PTPN4: variants seen among roughly 807,000 people sequenced by gnomAD.
PTPN4 encodes tyrosine-protein phosphatase non-receptor type 4.
A neutral mutation model predicts 135.5 loss-of-function variants in PTPN4; 49 were observed. The ratio of observed to expected loss-of-function variants is 0.36; its 90% CI spans 0.29 to 0.46. The LOEUF (loss-of-function observed/expected upper bound fraction) is 0.46. Ranked by LOEUF, PTPN4 falls within the 20% of genes least tolerant of loss-of-function variation. The pLI is 1.00. For synonymous variants in PTPN4, 333 were observed against 369.9 expected (o/e 0.90, Z 1.14); for missense variants, 860 against 1,101.0 (o/e 0.78, Z 3.10).
intron 11 of PTPN4, 33 bp from the exon 12 acceptor site, chr2:119,920,036 C>T (rs1678714390): frequency 6.4e-7 from 1 of 1,569,168 alleles, no homozygotes. Context: ...TGACATTTTC[C>T]TGGTATTCTC....
At chr2:119,886,539 G>A (rs1036699503) in intron 9 of PTPN4, among the ~76,000 whole-genome samples, 1 of 152,110 alleles carries the variant, frequency 6.6e-6, no homozygotes, top group Admixed American at 6.6e-5. Flanking sequence ...AAAGTTCTTG[G>A]AGTACAGCTA....
At chr2:119,899,838 T>C (rs1476351274) in intron 9 of PTPN4, among the ~76,000 whole-genome samples, 1 of 152,168 alleles carries the variant, frequency 6.6e-6, no homozygotes, top group Admixed American at 6.5e-5. Flanking sequence ...TTACCTTACC[T>C]AACAGATTAA....
In PTPN4 at chr2:119,809,863, C is replaced by T. The variant is rs372066860; in HGVS notation, c.10C>T (p.Arg4Cys). Residue 4 changes from arginine to cysteine, a missense_variant, in exon 2 of 27, where the codon CGT becomes TGT. Coordinates refer to ENST00000263708, the MANE Select transcript of PTPN4 (RefSeq NM_002830.4). Reference protein sequence around the residue: MTSRFRLPAGRTYN... With the variant: MTSCFRLPAGRTYN... Reference sequence around the variant, plus strand: ...CTTTGTGTGGACAGTAATGACCTCACGTTTCCGATTGCCTGCTGGCAGAAC... The same window carrying T: ...CTTTGTGTGGACAGTAATGACCTCATGTTTCCGATTGCCTGCTGGCAGAAC... 9.3e-6 allele frequency: 15 copies of T among 1,609,402 alleles called. No homozygotes were observed. Among genetic ancestry groups the T allele is most frequent in the Admixed American group, 8.5e-5 (5 of 58,884 alleles).
chr2:119,935,299 G>A (rs1412138333), intron 15 of PTPN4, among the ~76,000 whole-genome samples: 1 of 152,188 alleles, frequency 6.6e-6, no homozygotes, highest in Admixed American at 6.5e-5. Context: ...CCATAAGTAT[G>A]AGTAAAAAGT....
chr2:119,967,952 G>C lies in PTPN4; in HGVS notation c.2674G>C (p.Ala892Pro). 6.2e-7 allele frequency: 1 copy of C among 1,602,796 alleles called. No individual in the cohort carries two copies. Among genetic ancestry groups the C allele is most frequent in the African/African-American group, 1.3e-5 (1 of 74,828 alleles). Residue 892 changes from alanine to proline, a missense_variant, in exon 26 of 27, where the codon GCC (alanine) becomes CCC (proline). Physicochemically the swap from Ala to Pro is conservative, Grantham distance 27. This residue lies in a region of PTPN4 where 176 missense variants were observed against 294.1 expected (regional missense o/e 0.60). Transcript: ENST00000263708. ...TGTAAGAACAATGAGAGATCAGCGA[G>C]CCATGATGATCCAAACACCTGTGAG... The part of the protein sequence containing the change: ...DIVRTMRDQR[A>P]MMIQTPSQYR...
chr2:119,835,787 C>T (rs892232375), intron 2 of PTPN4, among the ~76,000 whole-genome samples: 8 of 151,918 alleles, frequency 5.3e-5, no homozygotes, highest in East Asian at 1.9e-4. Context: ...TGGAAGGAAC[C>T]GGCCGGGCAT....
rs10166787 is a variant in PTPN4, at chr2:119,782,275, C to T, written c.-18+21891C>T. Among the ~76,000 whole-genome samples, 408 of 151,910 alleles carry T rather than the reference C, an allele frequency of 2.7e-3. 1 individual carries two copies. Among genetic ancestry groups the T allele is most frequent in the African/African-American group, 9.4e-3 (390 of 41,406 alleles). On this transcript the variant is annotated intron_variant, in intron 1 of 26. Transcript: ENST00000263708. ...CTACTAAAAATACAAAAAAATTAGCCGGGTGTGGAGACAGGCGCCTGTAAT... is the reference window on the plus strand; with the variant it reads ...CTACTAAAAATACAAAAAAATTAGCTGGGTGTGGAGACAGGCGCCTGTAAT...
chr2:119,826,116 C>G (rs1476758094), intron 2 of PTPN4, among the ~76,000 whole-genome samples: 1 of 152,092 alleles, frequency 6.6e-6, no homozygotes, highest in Non-Finnish European at 1.5e-5. Flanking sequence ...AGTTCTGATG[C>G]ACATATTCTC....
At chr2:119,794,234 T>C (rs913143432) in intron 1 of PTPN4, among the ~76,000 whole-genome samples, 9 of 152,188 alleles carry the variant, frequency 5.9e-5, no homozygotes, top group Non-Finnish European at 4.4e-5. Flanking sequence ...GTTTTTGTTA[T>C]AGGATCCGTG....
intron 2 of PTPN4, among the ~76,000 whole-genome samples, chr2:119,859,081 A>G (rs867758684): frequency 6.6e-6 from 1 of 151,574 alleles, no homozygotes. Flanking sequence ...TATAATTTGC[A>G]TTTGGTTCTT....
At chr2:119,874,630 C>G (rs1273455622) in intron 3 of PTPN4, among the ~76,000 whole-genome samples, 2 of 152,090 alleles carry the variant, frequency 1.3e-5, no homozygotes, top group Non-Finnish European at 2.9e-5. Context: ...TACATTGAGA[C>G]TGACTGCGAA....
intron 13 of PTPN4, among the ~76,000 whole-genome samples, chr2:119,930,605 T>C (rs1678890268): frequency 6.6e-6 from 1 of 152,186 alleles, no homozygotes. Context: ...TGCTTCCTAC[T>C]GTACACATAA....
intron 1 of PTPN4, among the ~76,000 whole-genome samples, chr2:119,776,548 G>C (rs1690840719): frequency 1.3e-5 from 2 of 152,080 alleles, no homozygotes; most frequent in Admixed American, 1.3e-4. Context: ...AAAGTTACGT[G>C]GAGTGTGCCT....
At chr2:119,807,748 C>G (rs1295870098) in intron 1 of PTPN4, among the ~76,000 whole-genome samples, 1 of 152,078 alleles carries the variant, frequency 6.6e-6, no homozygotes, top group Admixed American at 6.6e-5. Flanking sequence ...ATCCTGATAC[C>G]AAAGCCTGGC....
intron 2 of PTPN4, among the ~76,000 whole-genome samples, chr2:119,828,532 T>C (rs937404236): frequency 2.6e-5 from 4 of 152,220 alleles, no homozygotes; most frequent in African/African-American, 9.6e-5. Flanking sequence ...ACAATACATA[T>C]ATTGGTGAAT....
chr2:119,856,425 T>TG (rs780899187), intron 2 of PTPN4, among the ~76,000 whole-genome samples: 1 of 152,226 alleles, frequency 6.6e-6, no homozygotes, highest in Admixed American at 6.5e-5. Context: ...TGTTTGGCAC[T>TG]GGGGGAAGAG....
Position 119,964,671 on chromosome 2 carries a change from T to A in PTPN4, c.2410-826T>A, listed in dbSNP as rs1436094151. On this transcript the variant is annotated intron_variant, in intron 24 of 26. Coordinates refer to ENST00000263708, the MANE Select transcript of PTPN4 (RefSeq NM_002830.4). Reference sequence around the variant, plus strand: ...TAAAATACTTTACACATATAGAAATTGAGTTATAAAAAGAGTAGTAATGTA... The same window carrying A: ...TAAAATACTTTACACATATAGAAATAGAGTTATAAAAAGAGTAGTAATGTA... Among the ~76,000 whole-genome samples the A allele has an allele frequency of 3.3e-5, 5 of 152,310 alleles. No homozygotes were observed. In the East Asian group the frequency reaches 9.6e-4, roughly 29 times the overall value.
chr2:119,854,041 T>A (rs1348583681), intron 2 of PTPN4, among the ~76,000 whole-genome samples: 2 of 151,966 alleles, frequency 1.3e-5, no homozygotes, highest in Non-Finnish European at 2.9e-5. Flanking sequence ...TCTGTTATAT[T>A]AGGAGGCTGG....
At chr2:119,820,798 C>A (rs565191106) in intron 2 of PTPN4, among the ~76,000 whole-genome samples, 10 of 151,108 alleles carry the variant, frequency 6.6e-5, no homozygotes, top group Admixed American at 1.3e-4. Context: ...AATAATTATG[C>A]TTCCAAATGT....
Sources: gnomAD v4.1 joint callset for allele counts (sites outside exome capture counted in the v4.1 genomes callset) on GRCh38, gnomAD v4.1.1 for gene constraint, gnomAD v4.1.1 regional missense constraint, MANE v1.5 for transcripts, NCBI Gene and HGNC (gene_info 2026-07-23, HGNC 2026-07-21) for gene names.